GALNS: variants seen among roughly 807,000 people sequenced by gnomAD.
GALNS encodes the protein N-acetylgalactosamine-6-sulfatase.
Under a neutral mutation model 65.9 loss-of-function variants are expected in GALNS, and 65 were observed. The ratio of observed to expected loss-of-function variants is 0.99; its 90% CI spans 0.81 to 1.21. The LOEUF is 1.21. Ranked by LOEUF, GALNS falls within the 50% of genes most tolerant of loss-of-function variation. The pLI is 0.00. For missense variants in GALNS, 776 were observed against 700.7 expected, an observed-to-expected ratio of 1.11 and a Z score of -1.21; for synonymous variants, 346 against 288.9, an observed-to-expected ratio of 1.20 and a Z score of -2.00.
chr16:88,836,092 A>C (rs1912108937), intron 6 of GALNS, 109 bp downstream of exon 6: 1 of 1,170,500 alleles, frequency 8.5e-7, no homozygotes, highest in African/African-American at 1.6e-5. Context: ...CATGCCTCCC[A>C]CGGGGTGAGG....
intron 1 of GALNS, chr16:88,843,472 C>G (rs964934557): frequency 1.2e-5 from 4 of 340,898 alleles, no homozygotes; most frequent in Admixed American, 1.2e-4. Flanking sequence ...GCGTGTACTA[C>G]GTGGGTGTGG....
chr16:88,816,106 C>G, intron 13 of GALNS: 1 of 985,252 alleles, frequency 1.0e-6, no homozygotes, highest in South Asian at 4.7e-5. Flanking sequence ...AGTGGCTCAG[C>G]TCGCCAGGTC....
At chr16:88,851,172 C>T (rs1456827932) in intron 1 of GALNS, among the ~76,000 whole-genome samples, 1 of 152,120 alleles carries the variant, frequency 6.6e-6, no homozygotes, top group Non-Finnish European at 1.5e-5. Flanking sequence ...ACATCTAAAA[C>T]CCCCACAGGG....
At chr16:88,836,863 C>G (rs1231853084) in intron 5 of GALNS, among the ~76,000 whole-genome samples, 1 of 151,848 alleles carries the variant, frequency 6.6e-6, no homozygotes, top group Non-Finnish European at 1.5e-5. Context: ...TGTGGTCACT[C>G]GGCTGGGGCT....
At chr16:88,856,274 C>T (rs1308168954) in intron 1 of GALNS, 7 of 702,922 alleles carry the variant, frequency 1.0e-5, no homozygotes, top group African/African-American at 7.0e-5. Context: ...CGGGGGGACC[C>T]GGCGGCCCGA....
intron 1 of GALNS, chr16:88,855,481 C>A (rs754469904): frequency 1.4e-6 from 1 of 702,666 alleles, no homozygotes; most frequent in Non-Finnish European, 2.6e-6. Context: ...TGTCAGGACA[C>A]GGACCCCTGG....
intron 9 of GALNS, among the ~76,000 whole-genome samples, chr16:88,828,589 G>T (rs1911166027): frequency 6.6e-6 from 1 of 152,236 alleles, no homozygotes; most frequent in Admixed American, 6.5e-5. Context: ...GTGGCCCACG[G>T]GAAAAGGCAA....
At chr16:88,844,753 A>T (rs1389056611) in intron 1 of GALNS, 2 of 152,264 alleles carry the variant, frequency 1.3e-5, no homozygotes, top group African/African-American at 4.8e-5. Context: ...TTCAACGCAT[A>T]TTTATTTCTG....
In GALNS at chr16:88,842,647, G is replaced by T; in HGVS notation, c.244+59C>A. The T allele has an allele frequency of 1.9e-6, 3 of 1,595,078 alleles. No homozygotes were observed. In the East Asian group the frequency reaches 6.8e-5, roughly 36 times the overall value. On this transcript the variant is annotated intron_variant, in intron 2 of 13. Transcript: ENST00000268695. ...CCCAGAGTCAGGGCTGGAAGGACCC[G>T]GGAGGCCTCGGCCTGTTGGGCTCAC...
At chr16:88,836,048 T>C (rs1912101373) in intron 6 of GALNS, among the ~76,000 whole-genome samples, 153 bp downstream of exon 6, 1 of 146,264 alleles carries the variant, frequency 6.8e-6, no homozygotes, top group Non-Finnish European at 1.5e-5. Flanking sequence ...TCCCCACGCG[T>C]CCCACGGGGC....
intron 12 of GALNS, 137 bp downstream of exon 12, chr16:88,822,452 G>T: frequency 8.5e-7 from 1 of 1,170,562 alleles, no homozygotes; most frequent in Non-Finnish European, 1.2e-6. Flanking sequence ...AGCACGTGTG[G>T]GTATGAATAG....
At chr16:88,843,231 A>G in intron 1 of GALNS, 2 of 1,301,304 alleles carry the variant, frequency 1.5e-6, no homozygotes, top group South Asian at 2.5e-5. Context: ...AGGCCCTCGT[A>G]TGTCTGTACA....
At position 88,831,178 on chromosome 16, in the gene GALNS, C is replaced by T. The variant is rs529793786; in HGVS notation, c.1002+820G>A. Among the ~76,000 whole-genome samples, 346 of 152,292 alleles carry T rather than the reference C, an allele frequency of 2.3e-3. 3 individuals carry two copies. Among genetic ancestry groups the T allele is most frequent in the Non-Finnish European group, 7.4e-4 (50 of 68,018 alleles). On this transcript the variant is annotated intron_variant, in intron 9 of 13. Coordinates refer to ENST00000268695, the MANE Select transcript of GALNS (RefSeq NM_000512.5). ...ACCAAGCACAGCAAGCCCTACACAC[C>T]GAGAGCCACCGAGAGGGACCTGGTT...
intron 1 of GALNS, chr16:88,843,432 C>T (rs1366131416): frequency 1.7e-5 from 6 of 353,774 alleles, no homozygotes; most frequent in Admixed American, 7.6e-5. Flanking sequence ...GCACCCTGAG[C>T]GCCCATCGGC....
At chr16:88,848,571 G>GAAAA (rs60527229) in intron 1 of GALNS, among the ~76,000 whole-genome samples, 2 of 135,874 alleles carry the variant, frequency 1.5e-5, no homozygotes, top group Non-Finnish European at 3.2e-5. Flanking sequence ...GACTCCGTCT[G>GAAAA]AAAAAAAAAA....
chr16:88,825,407 ACTGGGTGTCTGGGGTGC>A (rs377384399), intron 10 of GALNS, among the ~76,000 whole-genome samples: 3 of 77,228 alleles, frequency 3.9e-5, no homozygotes, highest in African/African-American at 1.7e-4. Context: ...GGCTGGGGTG[ACTGGGTGTCTGGGGTGC>A]CTGGGTGTCT....
At chr16:88,815,864 G>GA in intron 13 of GALNS, 1 of 985,440 alleles carries the variant, frequency 1.0e-6, no homozygotes, top group Non-Finnish European at 1.2e-6. Flanking sequence ...TCTGGATGGG[G>GA]GATCTGCATT....
At chr16:88,817,575 G>A (rs1285025217) in intron 13 of GALNS, among the ~76,000 whole-genome samples, 1 of 152,196 alleles carries the variant, frequency 6.6e-6, no homozygotes, top group Admixed American at 6.5e-5. Flanking sequence ...TTCCTGCCTC[G>A]GTGCCTTCAG....
Position 88,842,807 on chromosome 16 carries a change from A to G in GALNS, c.143T>C (p.Val48Ala), listed in dbSNP as rs191519947. 104 of 1,613,244 alleles carry G rather than the reference A, an allele frequency of 6.4e-5. No individual in the cohort carries two copies. In the East Asian group the frequency reaches 1.6e-3, roughly 25 times the overall value. ...MDDMGWGDLGVYGEPSRETPN... is the reference protein window; with the variant it reads ...MDDMGWGDLGAYGEPSRETPN... ...GGTCTCTCTGGAGGGCTCTCCATACACCCCGAGGTCACCCCATCCCATCTG... is the reference window on the plus strand; with the variant it reads ...GGTCTCTCTGGAGGGCTCTCCATACGCCCCGAGGTCACCCCATCCCATCTG... Residue 48 changes from valine (V) to alanine (A), a missense_variant, in exon 2 of 14, where the codon GTG becomes GCG. Coordinates refer to ENST00000268695, the MANE Select transcript of GALNS (RefSeq NM_000512.5).
Sources: gnomAD v4.1 joint callset for allele counts (sites outside exome capture counted in the v4.1 genomes callset) on GRCh38, gnomAD v4.1.1 for gene constraint, MANE v1.5 for transcripts, NCBI Gene and HGNC (gene_info 2026-07-23, HGNC 2026-07-21) for gene names.